Variants in UST observed in about 807,000 individuals in gnomAD.
UST encodes chondroitin sulfate 2-O-sulfotransferase.
Under a neutral mutation model 45.6 loss-of-function variants are expected in UST, and 21 were observed. The observed-to-expected ratio is 0.46, with a 90% CI of 0.33 to 0.66. The LOEUF is 0.66. Among genes scored for constraint, UST ranks in the 30% least tolerant of loss-of-function variants. UST has a pLI of 0.02. For synonymous variants in UST, 215 were observed against 200.6 expected, an observed-to-expected ratio of 1.07 and a Z score of -0.61; for missense variants, 463 against 512.4, an observed-to-expected ratio of 0.90 and a Z score of 0.93.
Position 148,964,537 on chromosome 6 carries a change from A to T in UST, c.655A>T (p.Ser219Cys). The T allele has an allele frequency of 6.2e-7, 1 of 1,613,998 alleles. No homozygotes were observed. The highest frequency in any genetic ancestry group is 1.1e-5 in the South Asian group (1 of 91,070). Residue 219 changes from serine (S) to cysteine (C), a missense_variant, in exon 5 of 8, where the codon AGC becomes TGC. By Grantham distance (112) the Ser-to-Cys change is moderately radical. This residue lies in a region of UST where 287 missense variants were observed against 374.2 expected (regional missense o/e 0.77). Transcript: ENST00000367463. ...ACAAAATCACATGATCCGCACCCCC[A>T]GCATGAGGCAGGAGGAGCGCTACCT... ...GEQNHMIRTPSMRQEERYLDI... is the reference protein window; with the variant it reads ...GEQNHMIRTPCMRQEERYLDI...
intron 1 of UST, among the ~76,000 whole-genome samples, chr6:148,837,244 T>TC (rs1257275285): frequency 2.0e-5 from 3 of 152,154 alleles, no homozygotes; most frequent in African/African-American, 7.2e-5. Flanking sequence ...TTGATTTGCA[T>TC]CCCAAAGACT....
At position 148,902,393 on chromosome 6, in the gene UST, A is replaced by AT. The variant is rs71554423; in HGVS notation, c.291+15380dup. Among the ~76,000 whole-genome samples, 324 of 142,454 alleles carry AT rather than the reference A, an allele frequency of 2.3e-3. 1 individual carries two copies. Among genetic ancestry groups the AT allele is most frequent in the Middle Eastern group, 3.7e-3 (1 of 270 alleles). 93.5% of individuals were successfully genotyped at this position (142,454 alleles called of 152,430 possible). A position where few individuals can be genotyped will look rare whatever the true frequency, so the allele number is the denominator to read the frequency against. On this transcript the variant is annotated intron_variant, in intron 2 of 7. Transcript: ENST00000367463. ...AGGCATGTGCAACCATGCCTGGCTA[A>AT]TTTTTTTTTTTTTTTTAATTTTAAT...
chr6:149,028,492 G>C (rs948946533), intron 7 of UST, among the ~76,000 whole-genome samples: 3 of 152,130 alleles, frequency 2.0e-5, no homozygotes, highest in African/African-American at 7.2e-5. Context: ...AAATTGGAAG[G>C]AACAAATGAA....
chr6:149,000,274 A>G (rs770670460), intron 5 of UST, among the ~76,000 whole-genome samples: 4 of 152,240 alleles, frequency 2.6e-5, no homozygotes, highest in African/African-American at 4.8e-5. Flanking sequence ...CAAAACCACA[A>G]ACTCACAAGT....
rs150652141 is a variant in UST at position 148,841,153 on chromosome 6, G to A, written c.248-45833G>A. Among the ~76,000 whole-genome samples, 402 of 151,086 alleles carry A rather than the reference G, an allele frequency of 2.7e-3. 1 individual carries two copies. Among genetic ancestry groups the A allele is most frequent in the African/African-American group, 9.5e-3 (391 of 41,118 alleles). The stretch of plus-strand genomic sequence containing the variant: ...AGTAAGATTTGAAATAGAATAAAAC[G>A]TATTTCTTATAGCTTGTGAAGAATG... On this transcript the variant is annotated intron_variant, in intron 1 of 7. Coordinates refer to ENST00000367463, the MANE Select transcript of UST (RefSeq NM_005715.3).
intron 7 of UST, among the ~76,000 whole-genome samples, chr6:149,048,175 A>G (rs972828807): frequency 6.6e-6 from 1 of 151,884 alleles, no homozygotes; most frequent in Non-Finnish European, 1.5e-5. Context: ...AATATAGTTG[A>G]CTGTTTTTTG....
At chr6:148,843,989 G>A (rs1448934527) in intron 1 of UST, among the ~76,000 whole-genome samples, 1 of 152,178 alleles carries the variant, frequency 6.6e-6, no homozygotes. Flanking sequence ...GGTTAAAAAG[G>A]TTCAGGGATG....
intron 3 of UST, among the ~76,000 whole-genome samples, chr6:148,946,778 C>T (rs887783944): frequency 3.9e-5 from 5 of 128,198 alleles, no homozygotes; most frequent in African/African-American, 6.2e-5. Flanking sequence ...TGCGCCACTG[C>T]ACTCTAGCCT....
intron 2 of UST, among the ~76,000 whole-genome samples, chr6:148,892,774 C>T (rs1276369282): frequency 6.6e-6 from 1 of 151,984 alleles, no homozygotes; most frequent in African/African-American, 2.4e-5. Context: ...CTTCTTAAAC[C>T]TTATTTGGGA....
intron 7 of UST, among the ~76,000 whole-genome samples, chr6:149,067,662 T>A (rs1776760704): frequency 6.6e-6 from 1 of 152,122 alleles, no homozygotes; most frequent in African/African-American, 2.4e-5. Context: ...CTACCTGGGA[T>A]CTTATCAAAT....
chr6:148,786,636 C>T (rs1255155011), intron 1 of UST, among the ~76,000 whole-genome samples: 3 of 152,160 alleles, frequency 2.0e-5, no homozygotes, highest in African/African-American at 4.8e-5. Flanking sequence ...TCAAGTCTAT[C>T]ACTGATGAGC....
intron 1 of UST, among the ~76,000 whole-genome samples, chr6:148,869,647 A>G (rs1778511912): frequency 1.3e-5 from 2 of 152,314 alleles, no homozygotes; most frequent in South Asian, 2.1e-4. Context: ...AACGCATTTC[A>G]TCCACACACG....
At chr6:148,838,630 C>G (rs1270069402) in intron 1 of UST, among the ~76,000 whole-genome samples, 1 of 152,104 alleles carries the variant, frequency 6.6e-6, no homozygotes, top group African/African-American at 2.4e-5. Context: ...CATGGTGGCT[C>G]AAGCCTGTAA....
chr6:148,944,508 T>TAC (rs10663979), intron 3 of UST, among the ~76,000 whole-genome samples: 37,363 of 142,348 alleles, frequency 0.26, 4,843 homozygotes, highest in Middle Eastern at 0.35. Context: ...GTTGTGATCA[T>TAC]ACACACACAC....
chr6:148,952,318 T>C lies in UST; in HGVS notation c.448-1554T>C, dbSNP rs144564752. ...CAGGTGGTGTGTCGAGGATAAACAG[T>C]AGATAAAGAGGCAGGATTCAATTTC... On this transcript the variant is annotated intron_variant, in intron 3 of 7. Transcript: ENST00000367463. Among the ~76,000 whole-genome samples the C allele has an allele frequency of 7.9e-4, 120 of 152,274 alleles. 1 individual carries two copies. The highest frequency in any genetic ancestry group is 1.5e-3 in the Non-Finnish European group (101 of 68,014).
intron 5 of UST, among the ~76,000 whole-genome samples, chr6:149,004,705 A>T (rs1781613254): frequency 6.6e-6 from 1 of 152,238 alleles, no homozygotes; most frequent in Admixed American, 6.5e-5. Context: ...AGAGGCTCAG[A>T]TACAGGCAGC....
At chr6:148,906,689 A>T (rs1475351130) in intron 2 of UST, among the ~76,000 whole-genome samples, 3 of 20,184 alleles carry the variant, frequency 1.5e-4, no homozygotes. Flanking sequence ...TCTGCCTCTT[A>T]CTAACTGTGA....
intron 1 of UST, among the ~76,000 whole-genome samples, chr6:148,826,182 C>A (rs1033838277): frequency 6.6e-6 from 1 of 152,164 alleles, no homozygotes. Flanking sequence ...GTGCAATCTC[C>A]ACCCACTGCA....
chr6:148,892,912 G>C (rs1321153498), intron 2 of UST, among the ~76,000 whole-genome samples: 1 of 151,998 alleles, frequency 6.6e-6, no homozygotes, highest in Admixed American at 6.5e-5. Context: ...ACGGTCTGCT[G>C]GACCCATATG....
Sources: allele counts gnomAD v4.1 joint callset (sites outside exome capture counted in the v4.1 genomes callset), GRCh38; gene constraint gnomAD v4.1.1; regional missense constraint gnomAD v4.1.1; transcripts MANE v1.5; gene names NCBI Gene and HGNC (gene_info 2026-07-23, HGNC 2026-07-21).